LHFPL4: variants seen among roughly 807,000 people sequenced by gnomAD.
LHFPL4 encodes LHFPL tetraspan subfamily member 4, also known as LHFPL tetraspan subfamily member 4 protein.
A neutral mutation model predicts 20.0 loss-of-function variants in LHFPL4; 6 were observed. The observed-to-expected ratio is 0.30, with a 90% CI of 0.16 to 0.59. The LOEUF (loss-of-function observed/expected upper bound fraction) is 0.59, where lower values mean the gene tolerates loss of function less well. LHFPL4 is among the 20% of genes least tolerant of loss of function. The pLI, the probability that LHFPL4 is intolerant of heterozygous loss-of-function variation, is 0.88. For missense variants in LHFPL4, 215 were observed against 331.2 expected (o/e 0.65, Z 2.72); for synonymous variants, 129 against 143.8 (o/e 0.90, Z 0.74).
chr3:9,527,376 C>T (rs2046382173), intron 2 of LHFPL4, among the ~76,000 whole-genome samples: 1 of 152,038 alleles, frequency 6.6e-6, no homozygotes, highest in Non-Finnish European at 1.5e-5. Flanking sequence ...TGAGACTAGC[C>T]TGGGCAACAT....
In LHFPL4 at chr3:9,505,927, C is replaced by G. The variant is rs1335236574; in HGVS notation, c.643+40G>C. ...ATTATCCTGCCTCCCAGGACCAGGC[C>G]TGGCTCCCGCCGCTGCCCCCCAGCC... On this transcript the variant is annotated intron_variant, in intron 3 of 3. Coordinates refer to ENST00000287585, the MANE Select transcript of LHFPL4 (RefSeq NM_198560.3). 9 of 1,572,194 alleles carry G rather than the reference C, an allele frequency of 5.7e-6. No individual in the cohort carries two copies. In the South Asian group the frequency reaches 1.0e-4, roughly 17 times the overall value.
chr3:9,504,660 C>G (rs2046203648), intron 3 of LHFPL4, among the ~76,000 whole-genome samples: 1 of 151,976 alleles, frequency 6.6e-6, no homozygotes. Context: ...CCCATCTCCA[C>G]TAAAAATACA....
In LHFPL4 at chr3:9,502,330, GA is replaced by G; in HGVS notation, c.644-20del. The G allele has an allele frequency of 6.6e-7, 1 of 1,514,940 alleles. No individual in the cohort carries two copies. The highest frequency in any genetic ancestry group is 9.2e-7 in the Non-Finnish European group (1 of 1,090,616). The allele number at this position is 1,514,940 out of a possible 1,614,324, so 93.8% of individuals were successfully genotyped here. A position where few individuals can be genotyped will look rare whatever the true frequency, so the allele number is the denominator to read the frequency against. On this transcript the variant is annotated intron_variant, in intron 3 of 3. Coordinates refer to ENST00000287585, the MANE Select transcript of LHFPL4 (RefSeq NM_198560.3). ...ACAAAATCTAAGAGAGAGAGAGAGA[GA>G]GAGAAGGAGAGAGAATTAGAGAAAG... is the stretch of plus-strand genomic sequence containing the variant.
intron 2 of LHFPL4, among the ~76,000 whole-genome samples, chr3:9,530,133 T>C (rs1355008248): frequency 2.0e-5 from 3 of 152,208 alleles, no homozygotes; most frequent in Admixed American, 6.5e-5. Flanking sequence ...AGTCACCAGC[T>C]GCATGGGTCC....
In LHFPL4 at chr3:9,500,258, T is replaced by TACCCCAACTCCCTCCC. The variant is rs2046162095; in HGVS notation, c.*1937_*1952dup. 6.6e-6 allele frequency: 1 copy of TACCCCAACTCCCTCCC among 152,312 alleles called. No individual in the cohort carries two copies. The highest frequency in any genetic ancestry group is 2.4e-5 in the African/African-American group (1 of 41,402). The allele number at this position is 152,312 out of a possible 1,614,324, so 9.4% of individuals were successfully genotyped here. A position where few individuals can be genotyped will look rare whatever the true frequency, so the allele number is the denominator to read the frequency against. On this transcript the variant is annotated 3_prime_UTR_variant, in exon 4 of 4. Coordinates refer to ENST00000287585, the MANE Select transcript of LHFPL4 (RefSeq NM_198560.3). ...TTTGCATCTTTGAGGAACTCCCTCC[T>TACCCCAACTCCCTCCC]ACCCCAACTCCCTCCCACGGGGCTC...
chr3:9,530,807 G>A (rs1266833672), intron 2 of LHFPL4, among the ~76,000 whole-genome samples: 1 of 151,950 alleles, frequency 6.6e-6, no homozygotes, highest in Non-Finnish European at 1.5e-5. Flanking sequence ...ATGTTGCCCA[G>A]GCTGGTCTTG....
At chr3:9,537,561 G>A (rs2046451306) in intron 2 of LHFPL4, among the ~76,000 whole-genome samples, 2 of 152,046 alleles carry the variant, frequency 1.3e-5, no homozygotes, top group African/African-American at 4.8e-5. Context: ...ATTGTCCTAG[G>A]CTGGCTCTGC....
intron 2 of LHFPL4, among the ~76,000 whole-genome samples, chr3:9,525,028 TG>T (rs1186900851): frequency 1.3e-5 from 2 of 152,176 alleles, no homozygotes; most frequent in Non-Finnish European, 2.9e-5. Flanking sequence ...TGGGACAGCA[TG>T]GCTAGAGGCA....
At chr3:9,529,316 C>G (rs903266484) in intron 2 of LHFPL4, among the ~76,000 whole-genome samples, 1 of 152,060 alleles carries the variant, frequency 6.6e-6, no homozygotes, top group African/African-American at 2.4e-5. Flanking sequence ...TGCGAGCCAC[C>G]GCGCCCGGCC....
At chr3:9,504,283 C>T (rs1007209888) in intron 3 of LHFPL4, among the ~76,000 whole-genome samples, 2 of 151,434 alleles carry the variant, frequency 1.3e-5, no homozygotes, top group Non-Finnish European at 2.9e-5. Flanking sequence ...GAGGCTGAGG[C>T]ACGAGGATTA....
chr3:9,524,801 C>G (rs1424085580), intron 2 of LHFPL4, among the ~76,000 whole-genome samples: 4 of 152,054 alleles, frequency 2.6e-5, no homozygotes. Flanking sequence ...CTTTTAGTAT[C>G]CCTTGTAATT....
At chr3:9,509,346 T>C (rs926757281) in intron 2 of LHFPL4, among the ~76,000 whole-genome samples, 1 of 150,484 alleles carries the variant, frequency 6.6e-6, no homozygotes, top group African/African-American at 2.5e-5. Context: ...GCACTTAACA[T>C]TCATTCAACT....
intron 2 of LHFPL4, among the ~76,000 whole-genome samples, chr3:9,532,299 G>A (rs2046414811): frequency 1.3e-5 from 2 of 152,050 alleles, no homozygotes; most frequent in Non-Finnish European, 2.9e-5. Context: ...AAAGTGCTGG[G>A]ATTACAGGCA....
chr3:9,531,801 G>GAAAGAAAAGAAAAGA (rs58150564), intron 2 of LHFPL4, among the ~76,000 whole-genome samples: 141 of 148,356 alleles, frequency 9.5e-4, no homozygotes, highest in African/African-American at 2.4e-3. Flanking sequence ...CTCCATCTCA[G>GAAAGAAAAGAAAAGA]AAAGAAAAGA....
chr3:9,549,267 C>G lies in LHFPL4; in HGVS notation c.406+3007G>C, dbSNP rs192541936. Among the ~76,000 whole-genome samples, 759 of 152,052 alleles carry G rather than the reference C, an allele frequency of 5.0e-3. 3 individuals are homozygous for G. Among genetic ancestry groups the G allele is most frequent in the Non-Finnish European group, 7.4e-3 (503 of 68,022 alleles). On this transcript the variant is annotated intron_variant, in intron 2 of 3. Coordinates refer to ENST00000287585, the MANE Select transcript of LHFPL4 (RefSeq NM_198560.3). ...GAGACAGGGATGATGTCTTATGCAT[C>G]TCAGTATTACAGGACTAAGCATAGG...
rs1409748047 is a variant in LHFPL4 at position 9,506,365 on chromosome 3, C to T, written c.407-162G>A. ...CAGAGGGAGAAAGAGAGGGCAGGGG[C>T]AGGGAAAAGAGAGAGAGAAAGAGGT... On this transcript the variant is annotated intron_variant, in intron 2 of 3. Coordinates refer to ENST00000287585, the MANE Select transcript of LHFPL4 (RefSeq NM_198560.3). The surrounding 1 kb of genome is among the most constrained non-coding windows in gnomAD (Gnocchi z 4.5). Among the ~76,000 whole-genome samples the T allele has an allele frequency of 2.0e-5, 3 of 152,076 alleles. No individual in the cohort carries two copies. The highest frequency in any genetic ancestry group is 2.9e-5 in the Non-Finnish European group (2 of 68,012).
In LHFPL4 at chr3:9,535,992, G is replaced by T. The variant is rs146786082; in HGVS notation, c.406+16282C>A. 6.6e-5 allele frequency among the ~76,000 whole-genome samples: 10 copies of T among 152,208 alleles called. No individual in the cohort carries two copies. In the East Asian group the frequency reaches 1.9e-3, roughly 29 times the overall value. Reference sequence around the variant, plus strand: ...AATTTTTGTATTTTTTTAGAGAGGGGGTTTCATCATGTTGCCCAGGCTGGT... The same window carrying T: ...AATTTTTGTATTTTTTTAGAGAGGGTGTTTCATCATGTTGCCCAGGCTGGT... On this transcript the variant is annotated intron_variant, in intron 2 of 3. Transcript: ENST00000287585.
intron 2 of LHFPL4, among the ~76,000 whole-genome samples, chr3:9,542,084 G>A (rs764926426): frequency 1.1e-4 from 17 of 151,886 alleles, no homozygotes; most frequent in Non-Finnish European, 1.5e-4. Flanking sequence ...TCGAGAGATC[G>A]AGACCAGCCT....
In LHFPL4 at chr3:9,499,044, G is replaced by A. The variant is rs184408426; in HGVS notation, c.*3167C>T. The A allele has an allele frequency of 3.7e-3, 570 of 152,674 alleles. 3 individuals carry two copies. Among genetic ancestry groups the A allele is most frequent in the African/African-American group, 0.013 (539 of 41,550 alleles). 9.5% of individuals were successfully genotyped at this position (152,674 alleles called of 1,614,324 possible). A position where few individuals can be genotyped will look rare whatever the true frequency, so the allele number is the denominator to read the frequency against. On this transcript the variant is annotated 3_prime_UTR_variant, in exon 4 of 4. Coordinates refer to ENST00000287585, the MANE Select transcript of LHFPL4 (RefSeq NM_198560.3). ...GTCCCCAGATCAGGCAGAGAAAAGC[G>A]GGCAATGGCAGACCCCTGATCACAG...
Sources: gnomAD v4.1 joint callset for allele counts (sites outside exome capture counted in the v4.1 genomes callset) on GRCh38, gnomAD v4.1.1 for gene constraint, Gnocchi (gnomAD v3.1) non-coding constraint, MANE v1.5 for transcripts, NCBI Gene and HGNC (gene_info 2026-07-23, HGNC 2026-07-21) for gene names.